The following CPNE4 variants were observed in gnomAD, a reference collection of about 807,000 sequenced individuals.
The protein encoded by CPNE4 is copine 4, also known as copine-4.
In CPNE4, 25 loss-of-function variants were observed where a neutral mutation model predicts 67.9. That is an observed-to-expected ratio of 0.37 (90% CI 0.27 to 0.51). The LOEUF is 0.51. Among genes scored for constraint, CPNE4 ranks in the 20% least tolerant of loss-of-function variants. The pLI is 0.93. For synonymous variants in CPNE4, 242 were observed against 244.9 expected (o/e 0.99, Z 0.11); for missense variants, 464 against 690.8 (o/e 0.67, Z 3.68).
chr3:131,597,443 C>G (rs562999423), intron 7 of CPNE4, among the ~76,000 whole-genome samples: 1 of 152,028 alleles, frequency 6.6e-6, no homozygotes, highest in Non-Finnish European at 1.5e-5. Context: ...ACATGTAACC[C>G]GGAACTTAAA....
intron 1 of CPNE4, among the ~76,000 whole-genome samples, chr3:131,957,687 C>T (rs145176119): frequency 7.2e-5 from 11 of 152,318 alleles, no homozygotes; most frequent in Non-Finnish European, 1.3e-4. Context: ...ATCCTGCTAA[C>T]TGTGGGAGGC....
At chr3:131,799,917 T>C (rs1235334943) in intron 2 of CPNE4, among the ~76,000 whole-genome samples, 3 of 55,674 alleles carry the variant, frequency 5.4e-5, no homozygotes, top group African/African-American at 2.5e-4. Flanking sequence ...TGTGTGTGTG[T>C]GTTGTGTGTG....
At chr3:131,740,544 C>T (rs1288745061) in intron 2 of CPNE4, among the ~76,000 whole-genome samples, 2 of 152,188 alleles carry the variant, frequency 1.3e-5, no homozygotes, top group Non-Finnish European at 2.9e-5. Flanking sequence ...TGTTGTCTTA[C>T]CTTTAAAATA....
intron 2 of CPNE4, among the ~76,000 whole-genome samples, chr3:131,801,452 G>GTGTGTGTA (rs761978890): frequency 1.5e-3 from 78 of 53,346 alleles, no homozygotes; most frequent in African/African-American, 5.2e-3. Flanking sequence ...GTGTGTGTGT[G>GTGTGTGTA]TATATATATA....
intron 7 of CPNE4, among the ~76,000 whole-genome samples, chr3:131,644,121 T>C (rs140686890): frequency 6.6e-6 from 1 of 152,156 alleles, no homozygotes; most frequent in Non-Finnish European, 1.5e-5. Context: ...CTTTAGTAGG[T>C]CTTAGGTGGA....
chr3:131,955,812 G>A (rs2071949817), intron 1 of CPNE4, among the ~76,000 whole-genome samples: 2 of 152,132 alleles, frequency 1.3e-5, no homozygotes, highest in Admixed American at 6.6e-5. Context: ...CACAATCGCT[G>A]TACATCTTTT....
intron 7 of CPNE4, among the ~76,000 whole-genome samples, chr3:131,645,711 G>A (rs1346049536): frequency 6.6e-6 from 1 of 152,144 alleles, no homozygotes; most frequent in Non-Finnish European, 1.5e-5. Flanking sequence ...ATGTGGCCCT[G>A]ACTCCCAATA....
intron 3 of CPNE4, among the ~76,000 whole-genome samples, chr3:131,711,145 C>T (rs546106385): frequency 6.6e-5 from 10 of 152,194 alleles, no homozygotes; most frequent in South Asian, 4.2e-4. Context: ...AAGTGTAAAC[C>T]GGACAGGCAG....
At chr3:131,897,683 G>T (rs1363295695) in intron 2 of CPNE4, among the ~76,000 whole-genome samples, 2 of 152,036 alleles carry the variant, frequency 1.3e-5, no homozygotes, top group Non-Finnish European at 2.9e-5. Flanking sequence ...ATTGCTCAAG[G>T]CCAGGAGTTT....
intron 2 of CPNE4, among the ~76,000 whole-genome samples, chr3:131,740,191 A>G (rs542624869): frequency 1.3e-5 from 2 of 152,230 alleles, no homozygotes; most frequent in African/African-American, 4.8e-5. Context: ...ACAGCTGGGT[A>G]TTTCTTGGTC....
At chr3:131,851,667 TA>T (rs549825705) in intron 2 of CPNE4, among the ~76,000 whole-genome samples, 3 of 152,060 alleles carry the variant, frequency 2.0e-5, no homozygotes, top group Non-Finnish European at 4.4e-5. Context: ...TAACCAGCAT[TA>T]AACAGTCAGT....
intron 1 of CPNE4, among the ~76,000 whole-genome samples, chr3:131,976,542 G>C (rs1226879921): frequency 2.6e-5 from 4 of 151,948 alleles, no homozygotes. Flanking sequence ...CTTCTCCTGG[G>C]GTGTATGTCA....
intron 2 of CPNE4, among the ~76,000 whole-genome samples, chr3:131,894,550 CAA>C (rs887102598): frequency 3.1e-4 from 47 of 151,392 alleles, no homozygotes; most frequent in Admixed American, 2.6e-3. Context: ...TAAAAATGAA[CAA>C]AGACTTAAAT....
intron 2 of CPNE4, among the ~76,000 whole-genome samples, chr3:131,825,887 T>C (rs1429509351): frequency 6.6e-6 from 1 of 152,180 alleles, no homozygotes; most frequent in Non-Finnish European, 1.5e-5. Context: ...GGAAGTAATT[T>C]TCCACATTCA....
chr3:131,892,324 G>A (rs750038653), intron 2 of CPNE4, among the ~76,000 whole-genome samples: 1 of 152,074 alleles, frequency 6.6e-6, no homozygotes, highest in African/African-American at 2.4e-5. Context: ...CTTGAAACCA[G>A]ACCCAGAAAT....
chr3:131,819,959 T>C (rs547687558), intron 2 of CPNE4, among the ~76,000 whole-genome samples: 5 of 152,218 alleles, frequency 3.3e-5, no homozygotes, highest in South Asian at 2.1e-4. Context: ...CTGGAAGGAA[T>C]TGACTTTTGG....
chr3:131,959,212 GGA>G (rs1288277895), intron 1 of CPNE4, among the ~76,000 whole-genome samples: 2 of 50,534 alleles, frequency 4.0e-5, no homozygotes, highest in South Asian at 5.4e-4. Flanking sequence ...GTTTTAGCCA[GGA>G]TGGTCTCGAT....
chr3:131,576,473 T>A (rs1044182931), intron 9 of CPNE4, among the ~76,000 whole-genome samples: 3 of 152,172 alleles, frequency 2.0e-5, no homozygotes, highest in African/African-American at 7.2e-5. Context: ...AGATCTTTTC[T>A]CCTGCTTCTT....
intron 11 of CPNE4, among the ~76,000 whole-genome samples, chr3:131,560,662 A>G (rs1429309291): frequency 6.6e-6 from 1 of 152,014 alleles, no homozygotes; most frequent in Non-Finnish European, 1.5e-5. Context: ...ATTGTGCTTC[A>G]TTAATTTTTC....
Sources: allele counts gnomAD v4.1 joint callset (sites outside exome capture counted in the v4.1 genomes callset), GRCh38; gene constraint gnomAD v4.1.1; transcripts MANE v1.5; gene names NCBI Gene and HGNC (gene_info 2026-07-23, HGNC 2026-07-21).